The following ROBO1 variants were observed in gnomAD, a reference collection of about 807,000 sequenced individuals.
ROBO1 encodes roundabout guidance receptor 1, also known as roundabout homolog 1.
In ROBO1, 149 loss-of-function variants were observed where a neutral mutation model predicts 195.9. The observed-to-expected ratio is 0.76, with a 90% CI of 0.67 to 0.87. ROBO1 has a LOEUF of 0.87. Among genes scored for constraint, ROBO1 ranks in the 40% least tolerant of loss-of-function variants. ROBO1 has a pLI of 0.00. For synonymous variants in ROBO1, 816 were observed against 733.2 expected (o/e 1.11, Z -1.82); for missense variants, 1,933 against 2,068.3 (o/e 0.93, Z 1.27).
At chr3:79,406,827 T>C (rs1011805439) in intron 2 of ROBO1, among the ~76,000 whole-genome samples, 1 of 152,154 alleles carries the variant, frequency 6.6e-6, no homozygotes, top group Non-Finnish European at 1.5e-5. Context: ...TTCTTTGTTT[T>C]TTTTCCTTTC....
At chr3:79,473,707 C>T (rs901446641) in intron 2 of ROBO1, among the ~76,000 whole-genome samples, 17 of 152,144 alleles carry the variant, frequency 1.1e-4, no homozygotes, top group Admixed American at 9.2e-4. Context: ...CTTCAGAATA[C>T]TGAGACAATA....
intron 8 of ROBO1, among the ~76,000 whole-genome samples, chr3:78,693,778 C>T (rs1200020086): frequency 2.0e-5 from 3 of 152,074 alleles, no homozygotes; most frequent in African/African-American, 7.2e-5. Context: ...AACATTAAAT[C>T]CCACAACTCC....
chr3:79,103,177 A>G (rs1047534056), intron 3 of ROBO1, among the ~76,000 whole-genome samples: 1 of 151,804 alleles, frequency 6.6e-6, no homozygotes, highest in Non-Finnish European at 1.5e-5. Flanking sequence ...ACTAGATGCA[A>G]TTTATTAGAC....
chr3:79,042,625 T>G (rs1370068533), intron 3 of ROBO1, among the ~76,000 whole-genome samples: 1 of 152,104 alleles, frequency 6.6e-6, no homozygotes, highest in Non-Finnish European at 1.5e-5. Context: ...TGCAGAGAGT[T>G]TCAAGCATAC....
intron 1 of ROBO1, among the ~76,000 whole-genome samples, chr3:79,613,865 G>A (rs1944741320): frequency 6.6e-6 from 1 of 152,046 alleles, no homozygotes; most frequent in Admixed American, 6.6e-5. Context: ...GATGAAATTT[G>A]GAATGACCAT....
intron 1 of ROBO1, among the ~76,000 whole-genome samples, chr3:79,597,128 CGTGTGT>C (rs10597144): frequency 1.3e-5 from 2 of 149,276 alleles, no homozygotes; most frequent in African/African-American, 4.9e-5. Flanking sequence ...TGTGCATGCA[CGTGTGT>C]GTGTGTGTGT....
chr3:78,718,121 T>G (rs1246404412), intron 5 of ROBO1, among the ~76,000 whole-genome samples: 1 of 152,240 alleles, frequency 6.6e-6, no homozygotes, highest in Non-Finnish European at 1.5e-5. Flanking sequence ...TGTAAAGTTA[T>G]ATTCTGTATA....
intron 8 of ROBO1, among the ~76,000 whole-genome samples, chr3:78,698,127 C>T (rs906733565): frequency 6.6e-6 from 1 of 152,004 alleles, no homozygotes; most frequent in Non-Finnish European, 1.5e-5. Flanking sequence ...TACCACATTC[C>T]AGAGAATACA....
chr3:78,605,268 G>T (rs543011691), intron 29 of ROBO1, among the ~76,000 whole-genome samples: 7 of 152,100 alleles, frequency 4.6e-5, no homozygotes, highest in Admixed American at 2.0e-4. Flanking sequence ...AAATCTCTGG[G>T]TCGGTCAATC....
In ROBO1 at chr3:78,711,354, C is replaced by CTTT. The variant is rs1559772810; in HGVS notation, c.1045+3042_1045+3043insAAA. Among the ~76,000 whole-genome samples, 504 of 64,872 alleles carry CTTT rather than the reference C, an allele frequency of 7.8e-3. 5 individuals are homozygous for CTTT. The highest frequency in any genetic ancestry group is 9.6e-3 in the Non-Finnish European group (345 of 36,052). 42.6% of individuals were successfully genotyped at this position (64,872 alleles called of 152,430 possible). On this transcript the variant is annotated intron_variant, in intron 8 of 30. Coordinates refer to ENST00000464233, the MANE Select transcript of ROBO1 (RefSeq NM_002941.4). ...TTCCTTCCTTCCTTCCTTCCTCCTTCCTTCCTTCCTTCCTTCCTTCCTTCC... is the reference window on the plus strand; with the variant it reads ...TTCCTTCCTTCCTTCCTTCCTCCTTCTTTCTTCCTTCCTTCCTTCCTTCCTTCC...
At chr3:79,483,830 G>A (rs920586260) in intron 2 of ROBO1, among the ~76,000 whole-genome samples, 2 of 151,960 alleles carry the variant, frequency 1.3e-5, no homozygotes, top group Non-Finnish European at 2.9e-5. Context: ...TGGGGGTGGG[G>A]GAACCAAAAA....
At chr3:78,613,855 T>G (rs1165023268) in intron 28 of ROBO1, among the ~76,000 whole-genome samples, 1 of 152,184 alleles carries the variant, frequency 6.6e-6, no homozygotes, top group East Asian at 1.9e-4. Flanking sequence ...CAGATTTTGT[T>G]GCAGAGGACC....
chr3:78,609,775 A>C (rs1034008886), intron 28 of ROBO1, among the ~76,000 whole-genome samples: 5 of 152,210 alleles, frequency 3.3e-5, no homozygotes, highest in African/African-American at 2.4e-5. Context: ...TTGTGTTTTG[A>C]AGATTCTTAG....
At chr3:78,704,350 C>G (rs893896945) in intron 8 of ROBO1, among the ~76,000 whole-genome samples, 1 of 152,018 alleles carries the variant, frequency 6.6e-6, no homozygotes, top group African/African-American at 2.4e-5. Context: ...TCCAAAAAAT[C>G]CTATGGATCT....
chr3:79,065,397 A>G (rs1185047482), intron 3 of ROBO1, among the ~76,000 whole-genome samples: 1 of 151,970 alleles, frequency 6.6e-6, no homozygotes, highest in Non-Finnish European at 1.5e-5. Context: ...CCTAGAAAAA[A>G]AAATGACCGA....
At chr3:79,677,977 T>C (rs926783859) in intron 1 of ROBO1, among the ~76,000 whole-genome samples, 4 of 152,094 alleles carry the variant, frequency 2.6e-5, no homozygotes, top group African/African-American at 9.7e-5. Context: ...ATTTGTTACA[T>C]ATCAAGGAAC....
intron 4 of ROBO1, among the ~76,000 whole-genome samples, chr3:78,876,705 G>A (rs573101343): frequency 1.3e-5 from 2 of 152,264 alleles, no homozygotes; most frequent in Admixed American, 6.5e-5. Flanking sequence ...ACGTCAACAC[G>A]GGAAACATGG....
At chr3:79,479,388 G>C (rs1031894180) in intron 2 of ROBO1, among the ~76,000 whole-genome samples, 1 of 152,148 alleles carries the variant, frequency 6.6e-6, no homozygotes, top group Non-Finnish European at 1.5e-5. Flanking sequence ...TATGAAAATT[G>C]AATGTCCCGC....
At chr3:79,266,433 T>C (rs185059296) in intron 2 of ROBO1, among the ~76,000 whole-genome samples, 3 of 151,718 alleles carry the variant, frequency 2.0e-5, no homozygotes, top group African/African-American at 2.4e-5. Context: ...CTGCAAGAGA[T>C]AGAAAATATC....
Sources: allele counts gnomAD v4.1 joint callset (sites outside exome capture counted in the v4.1 genomes callset), GRCh38; gene constraint gnomAD v4.1.1; transcripts MANE v1.5; gene names NCBI Gene and HGNC (gene_info 2026-07-23, HGNC 2026-07-21).